LRIG1: variants seen among roughly 807,000 people sequenced by gnomAD.
LRIG1 encodes the protein leucine-rich repeats and immunoglobulin-like domains protein 1.
LRIG1 carries 48 observed loss-of-function variants against 99.2 expected under a neutral mutation model. The ratio of observed to expected loss-of-function variants is 0.48; its 90% confidence interval spans 0.38 to 0.62. LRIG1 has a LOEUF of 0.62. Ranked by LOEUF, LRIG1 falls within the 20% of genes least tolerant of loss-of-function variation. LRIG1 has a pLI of 0.00. For synonymous variants in LRIG1, 772 were observed against 596.1 expected (o/e 1.29, Z -4.30); for missense variants, 1,646 against 1,434.4 (o/e 1.15, Z -2.38).
intron 1 of LRIG1, chr3:66,498,105 G>A (rs778426537): frequency 1.3e-5 from 2 of 152,092 alleles, no homozygotes; most frequent in Non-Finnish European, 2.9e-5. Context: ...TTTTTCAAAG[G>A]ATAGCCATTT....
intron 1 of LRIG1, among the ~76,000 whole-genome samples, chr3:66,497,227 T>C (rs1317074946): frequency 1.3e-5 from 2 of 152,236 alleles, no homozygotes; most frequent in Non-Finnish European, 2.9e-5. Context: ...TGGGCTACCA[T>C]TCAGCTCTCA....
chr3:66,493,889 G>A (rs1453152346), intron 1 of LRIG1, among the ~76,000 whole-genome samples: 1 of 147,158 alleles, frequency 6.8e-6, no homozygotes, highest in Non-Finnish European at 1.5e-5. Context: ...GAGGGAGGGA[G>A]GGAAAGAAGG....
intron 1 of LRIG1, among the ~76,000 whole-genome samples, chr3:66,465,674 A>AT (rs1315001615): frequency 1.3e-5 from 2 of 151,906 alleles, no homozygotes; most frequent in Non-Finnish European, 2.9e-5. Context: ...CCTGAGCATA[A>AT]TTTTTTTAAT....
intron 1 of LRIG1, among the ~76,000 whole-genome samples, chr3:66,466,546 G>C (rs751293020): frequency 6.6e-6 from 1 of 151,864 alleles, no homozygotes; most frequent in East Asian, 1.9e-4. Flanking sequence ...CTGATAACAC[G>C]CATTTCTCAG....
At chr3:66,417,433 G>C (rs1272668228) in intron 3 of LRIG1, 167 bp from the exon 4 acceptor site, 13 of 662,386 alleles carry the variant, frequency 2.0e-5, no homozygotes, top group Non-Finnish European at 3.3e-5. Flanking sequence ...CTGCTGGCCA[G>C]ATGCTAGGAG....
chr3:66,386,400 G>C (rs1231949077), intron 12 of LRIG1, 99 bp from the exon 13 acceptor site: 47 of 1,034,018 alleles, frequency 4.5e-5, no homozygotes, highest in Non-Finnish European at 6.5e-5. Flanking sequence ...ACACCAAGCA[G>C]GAACCAGAGC....
At chr3:66,457,193 C>T (rs186864269) in intron 2 of LRIG1, among the ~76,000 whole-genome samples, 3 of 152,138 alleles carry the variant, frequency 2.0e-5, no homozygotes, top group Admixed American at 1.3e-4. Context: ...GAGCTGACAG[C>T]GCCTGGGCAA....
At chr3:66,420,487 A>T (rs1702769171) in intron 3 of LRIG1, among the ~76,000 whole-genome samples, 1 of 152,184 alleles carries the variant, frequency 6.6e-6, no homozygotes, top group Non-Finnish European at 1.5e-5. Context: ...CTGAAAGCAG[A>T]CCTCAAAGAG....
At chr3:66,491,761 G>A (rs1351090439) in intron 1 of LRIG1, among the ~76,000 whole-genome samples, 3 of 152,160 alleles carry the variant, frequency 2.0e-5, no homozygotes, top group Non-Finnish European at 4.4e-5. Flanking sequence ...ACATGGAAGG[G>A]CAGCAGCATA....
At chr3:66,486,726 C>A (rs577834007) in intron 1 of LRIG1, among the ~76,000 whole-genome samples, 2 of 152,322 alleles carry the variant, frequency 1.3e-5, no homozygotes, top group African/African-American at 4.8e-5. Context: ...TTTTAGGTAT[C>A]ACAGACTCAC....
intron 1 of LRIG1, among the ~76,000 whole-genome samples, chr3:66,483,474 G>C (rs922762375): frequency 3.9e-5 from 6 of 152,238 alleles, no homozygotes; most frequent in African/African-American, 1.2e-4. Flanking sequence ...CCTGTCCTTA[G>C]TGTTCTCACA....
chr3:66,392,625 T>C (rs1432367017), intron 12 of LRIG1, among the ~76,000 whole-genome samples: 1 of 131,698 alleles, frequency 7.6e-6, no homozygotes, highest in East Asian at 2.5e-4. Flanking sequence ...TGAGCTAAAA[T>C]GTGGGGGTGG....
At chr3:66,406,170 T>C in intron 8 of LRIG1, 3 of 985,422 alleles carry the variant, frequency 3.0e-6, no homozygotes, top group South Asian at 4.7e-5. Flanking sequence ...AAGAGTGAAA[T>C]GCTGGCGGTG....
intron 7 of LRIG1, chr3:66,409,617 C>T (rs965451189): frequency 6.4e-6 from 1 of 155,734 alleles, no homozygotes; most frequent in African/African-American, 2.4e-5. Flanking sequence ...GGCCAAGAAC[C>T]TGGGCAGCTC....
chr3:66,410,385 C>G, intron 6 of LRIG1, 113 bp from the exon 7 acceptor site: 2 of 984,934 alleles, frequency 2.0e-6, no homozygotes, highest in South Asian at 3.2e-5. Context: ...AAGGCTAGAA[C>G]AGTGCACGAC....
rs144957105 is a variant in LRIG1 at position 66,384,251 on chromosome 3, G to T, written c.1811C>A (p.Thr604Lys). ...GGTCCGGATGGTTATGTCGTGGGGC[G>T]TTTTGGTGAATGATGGCAACACTGG... ...TVNVLPSFTK[T>K]PHDITIRTTT... is the part of the protein sequence containing the mutation. The change falls in exon 14 of 19, where the codon ACG becomes AAG. Residue 604 changes from threonine (T) to lysine (K), a missense_variant. Coordinates refer to ENST00000273261, the MANE Select transcript of LRIG1 (RefSeq NM_015541.3). The T allele has an allele frequency of 1.2e-6, 2 of 1,611,852 alleles. No homozygotes were observed. The highest frequency in any genetic ancestry group is 1.7e-5 in the Admixed American group (1 of 59,990).
chr3:66,419,723 C>T (rs1203757370), intron 3 of LRIG1, among the ~76,000 whole-genome samples: 1 of 152,022 alleles, frequency 6.6e-6, no homozygotes, highest in Admixed American at 6.5e-5. Flanking sequence ...ACAAGAGACC[C>T]TCTGATTAGG....
chr3:66,477,856 A>G (rs34777991), intron 1 of LRIG1, among the ~76,000 whole-genome samples: 1 of 10,414 alleles, frequency 9.6e-5, no homozygotes, highest in Non-Finnish European at 9.4e-3. Context: ...TGAGTGATGC[A>G]CTACAGGATA....
At chr3:66,471,119 C>G (rs1700585689) in intron 1 of LRIG1, among the ~76,000 whole-genome samples, 1 of 152,150 alleles carries the variant, frequency 6.6e-6, no homozygotes, top group Non-Finnish European at 1.5e-5. Context: ...TCCCACAGAC[C>G]TGCCACAAAG....
Sources: gnomAD v4.1 joint callset for allele counts (sites outside exome capture counted in the v4.1 genomes callset) on GRCh38, gnomAD v4.1.1 for gene constraint, MANE v1.5 for transcripts, NCBI Gene and HGNC (gene_info 2026-07-23, HGNC 2026-07-21) for gene names.